The following S1PR1 variants were observed in gnomAD, a reference collection of about 807,000 sequenced individuals.
S1PR1 encodes sphingosine-1-phosphate receptor 1.
In S1PR1, 2 loss-of-function variants were observed where a neutral mutation model predicts 18.3. The ratio of observed to expected loss-of-function variants is 0.11; its 90% CI spans 0.04 to 0.34. The LOEUF (loss-of-function observed/expected upper bound fraction) is 0.34. S1PR1 is among the 10% of genes least tolerant of loss of function. S1PR1 has a pLI of 1.00. For synonymous variants in S1PR1, 222 were observed against 211.2 expected (o/e 1.05, Z -0.44); for missense variants, 335 against 493.8 (o/e 0.68, Z 3.05).
In S1PR1 at chr1:101,239,233, T is replaced by A; in HGVS notation, c.249T>A (p.Phe83Leu). The change falls in exon 2 of 2, where the codon TTT becomes TTA. Residue 83 changes from phenylalanine (F) to leucine (L), a missense_variant. Physicochemically the swap from Phe to Leu is conservative, Grantham distance 22. Coordinates refer to ENST00000305352, the MANE Select transcript of S1PR1 (RefSeq NM_001400.5). The surrounding 1 kb of genome is among the most constrained non-coding windows in gnomAD (Gnocchi z 6.3). ...TKKFHRPMYY[F>L]IGNLALSDLL... Reference sequence around the variant, plus strand: ...AATTCCACCGACCCATGTACTATTTTATTGGCAATCTGGCCCTCTCAGACC... The same window carrying A: ...AATTCCACCGACCCATGTACTATTTAATTGGCAATCTGGCCCTCTCAGACC... 1 of 1,614,194 alleles carries A rather than the reference T, an allele frequency of 6.2e-7. No homozygotes were observed. The highest frequency in any genetic ancestry group is 8.5e-7 in the Non-Finnish European group (1 of 1,180,036).
intron 1 of S1PR1, among the ~76,000 whole-genome samples, chr1:101,237,879 C>T (rs1283131417): frequency 6.6e-6 from 1 of 151,778 alleles, no homozygotes; most frequent in Non-Finnish European, 1.5e-5. Context: ...CTAAACTAAA[C>T]AAAGCAAAAA....
In S1PR1 at chr1:101,241,421, T is replaced by C. The variant is rs549170729; in HGVS notation, c.*1288T>C. ...TAAACCGAGAGATGTCTTGTTTTTT[T>C]AAAAAGAATAGTATTTAATAGGTTT... On this transcript the variant is annotated 3_prime_UTR_variant, in exon 2 of 2. Transcript: ENST00000305352. 1 of 167,216 alleles carries C rather than the reference T, an allele frequency of 6.0e-6. No homozygotes were observed. 10.4% of individuals were successfully genotyped at this position (167,216 alleles called of 1,614,324 possible). A position where few individuals can be genotyped will look rare whatever the true frequency, so the allele number is the denominator to read the frequency against.
chr1:101,237,810 G>A (rs1652757791), intron 1 of S1PR1, among the ~76,000 whole-genome samples: 1 of 152,120 alleles, frequency 6.6e-6, no homozygotes, highest in Non-Finnish European at 1.5e-5. Flanking sequence ...TAGAAATGTG[G>A]TAGCATGTAT....
intron 1 of S1PR1, 54 bp from the exon 2 acceptor site, chr1:101,238,768 T>C: frequency 1.7e-6 from 1 of 582,144 alleles, no homozygotes; most frequent in Non-Finnish European, 3.0e-6. Flanking sequence ...CTAGAATGAA[T>C]TATGCCAGTA....
Position 101,240,589 on chromosome 1 carries a change from A to T in S1PR1, c.*456A>T. ...GGATGCCCTGTACATCCCACACCCC[A>T]CCCTCCCTTCCCTTCATACCCCTCC... On this transcript the variant is annotated 3_prime_UTR_variant, in exon 2 of 2. Coordinates refer to ENST00000305352, the MANE Select transcript of S1PR1 (RefSeq NM_001400.5). 1 of 172,184 alleles carries T rather than the reference A, an allele frequency of 5.8e-6. No homozygotes were observed. Among genetic ancestry groups the T allele is most frequent in the South Asian group, 1.5e-4 (1 of 6,500 alleles). The allele number at this position is 172,184 out of a possible 1,614,324, so 10.7% of individuals were successfully genotyped here. A position where few individuals can be genotyped will look rare whatever the true frequency, so the allele number is the denominator to read the frequency against.
At position 101,239,192 on chromosome 1, in the gene S1PR1, A is replaced by C; in HGVS notation, c.208A>C (p.Ile70Leu). 1 of 1,614,218 alleles carries C rather than the reference A, an allele frequency of 6.2e-7. No homozygotes were observed. Among genetic ancestry groups the C allele is most frequent in the Non-Finnish European group, 8.5e-7 (1 of 1,180,042 alleles). The change falls in exon 2 of 2, where the codon ATT becomes CTT. Residue 70 changes from isoleucine (I) to leucine (L), a missense_variant. Around this residue, in one of 3 missense-constraint regions of S1PR1, gnomAD observed 214 missense variants for 366.6 expected, o/e 0.58. Coordinates refer to ENST00000305352, the MANE Select transcript of S1PR1 (RefSeq NM_001400.5). The surrounding 1 kb of genome is among the most constrained non-coding windows in gnomAD (Gnocchi z 6.3). ...GGAGAACATCTTTGTCTTGCTGACCATTTGGAAAACCAAGAAATTCCACCG... is the reference window on the plus strand; with the variant it reads ...GGAGAACATCTTTGTCTTGCTGACCCTTTGGAAAACCAAGAAATTCCACCG... ...ILENIFVLLT[I>L]WKTKKFHRPM...
In S1PR1 at chr1:101,241,353, T is replaced by C. The variant is rs1028700805; in HGVS notation, c.*1220T>C. The C allele has an allele frequency of 6.0e-6, 1 of 167,124 alleles. No individual in the cohort carries two copies. Among genetic ancestry groups the C allele is most frequent in the African/African-American group, 2.4e-5 (1 of 41,446 alleles). 10.4% of individuals were successfully genotyped at this position (167,124 alleles called of 1,614,324 possible). A position where few individuals can be genotyped will look rare whatever the true frequency, so the allele number is the denominator to read the frequency against. On this transcript the variant is annotated 3_prime_UTR_variant, in exon 2 of 2. Coordinates refer to ENST00000305352, the MANE Select transcript of S1PR1 (RefSeq NM_001400.5). ...AGATATGTATAAATATTACAAAGAA[T>C]AAAAATATATTACTGTCTCTTTAGT...
Position 101,240,296 on chromosome 1 carries a change from G to C in S1PR1, c.*163G>C, listed in dbSNP as rs775710742. 7.1e-6 allele frequency: 5 copies of C among 703,340 alleles called. No homozygotes were observed. Among genetic ancestry groups the C allele is most frequent in the Non-Finnish European group, 1.2e-5 (5 of 413,134 alleles). The allele number at this position is 703,340 out of a possible 1,614,324, so 43.6% of individuals were successfully genotyped here. A position where few individuals can be genotyped will look rare whatever the true frequency, so the allele number is the denominator to read the frequency against. ...GAACAGCCTGGTGGTGTCGGGTGTT[G>C]GTGGGTAGAGTTAGTTCCTGTGAAC... On this transcript the variant is annotated 3_prime_UTR_variant, in exon 2 of 2. Coordinates refer to ENST00000305352, the MANE Select transcript of S1PR1 (RefSeq NM_001400.5).
At position 101,240,351 on chromosome 1, in the gene S1PR1, C is replaced by G; in HGVS notation, c.*218C>G. On this transcript the variant is annotated 3_prime_UTR_variant, in exon 2 of 2. Coordinates refer to ENST00000305352, the MANE Select transcript of S1PR1 (RefSeq NM_001400.5). ...CACTGGGAAGGGTGGAGATCAGGTC[C>G]CGGCCTGGAATATATTTTCTACCCC... 1 of 610,454 alleles carries G rather than the reference C, an allele frequency of 1.6e-6. No individual in the cohort carries two copies. Among genetic ancestry groups the G allele is most frequent in the Non-Finnish European group, 3.0e-6 (1 of 335,782 alleles). The allele number at this position is 610,454 out of a possible 1,614,324, so 37.8% of individuals were successfully genotyped here. A position where few individuals can be genotyped will look rare whatever the true frequency, so the allele number is the denominator to read the frequency against.
chr1:101,240,251 G>C lies in S1PR1; in HGVS notation c.*118G>C. ...CAGGGAGGAGCTGCTGCAAGCCAGAGGGAGGAAGGGGGAGAATACGAACAG... is the reference window on the plus strand; with the variant it reads ...CAGGGAGGAGCTGCTGCAAGCCAGACGGAGGAAGGGGGAGAATACGAACAG... On this transcript the variant is annotated 3_prime_UTR_variant, in exon 2 of 2. Transcript: ENST00000305352. The C allele has an allele frequency of 2.0e-6, 2 of 1,025,034 alleles. No homozygotes were observed. The highest frequency in any genetic ancestry group is 2.9e-6 in the Non-Finnish European group (2 of 694,400). The allele number at this position is 1,025,034 out of a possible 1,614,324, so 63.5% of individuals were successfully genotyped here.
At position 101,238,910 on chromosome 1, in the gene S1PR1, GCT is replaced by G; in HGVS notation, c.-69_-68del. ...CGAACCACCCCTGAAGCCAGTGAAG[GCT>G]CTCTCGCCTCGCCCTCTAGCGTTCG... On this transcript the variant is annotated 5_prime_UTR_variant, in exon 2 of 2. Transcript: ENST00000305352. 7.0e-7 allele frequency: 1 copy of G among 1,421,118 alleles called. No individual in the cohort carries two copies. The highest frequency in any genetic ancestry group is 2.4e-5 in the East Asian group (1 of 41,766). 88.0% of individuals were successfully genotyped at this position (1,421,118 alleles called of 1,614,324 possible). A position where few individuals can be genotyped will look rare whatever the true frequency, so the allele number is the denominator to read the frequency against.
chr1:101,240,486 T>A lies in S1PR1; in HGVS notation c.*353T>A, dbSNP rs1365464759. Reference sequence around the variant, plus strand: ...ATGTCCCCATGTGAAAGCGTCTCTTTGTCTGGAGCTTTGAGGAGATGTTTT... The same window carrying A: ...ATGTCCCCATGTGAAAGCGTCTCTTAGTCTGGAGCTTTGAGGAGATGTTTT... On this transcript the variant is annotated 3_prime_UTR_variant, in exon 2 of 2. Coordinates refer to ENST00000305352, the MANE Select transcript of S1PR1 (RefSeq NM_001400.5). 1 of 292,932 alleles carries A rather than the reference T, an allele frequency of 3.4e-6. No individual in the cohort carries two copies. The highest frequency in any genetic ancestry group is 6.8e-6 in the Non-Finnish European group (1 of 147,112). 18.1% of individuals were successfully genotyped at this position (292,932 alleles called of 1,614,324 possible).
Position 101,238,893 on chromosome 1 carries a change from C to A in S1PR1, c.-92C>A. 7.8e-7 allele frequency: 1 copy of A among 1,287,392 alleles called. No homozygotes were observed. Among genetic ancestry groups the A allele is most frequent in the Non-Finnish European group, 1.1e-6 (1 of 949,172 alleles). The allele number at this position is 1,287,392 out of a possible 1,614,324, so 79.7% of individuals were successfully genotyped here. On this transcript the variant is annotated 5_prime_UTR_variant, in exon 2 of 2. Transcript: ENST00000305352. ...AAGCCTGGATCACTCATCGAACCAC[C>A]CCTGAAGCCAGTGAAGGCTCTCTCG...
rs754854011 is a variant in S1PR1, at chr1:101,239,519, A to G, written c.535A>G (p.Ile179Val). Residue 179 changes from isoleucine to valine, a missense_variant, in exon 2 of 2, where the codon ATC becomes GTC. Around this residue, in one of 3 missense-constraint regions of S1PR1, gnomAD observed 214 missense variants for 366.6 expected, o/e 0.58. Coordinates refer to ENST00000305352, the MANE Select transcript of S1PR1 (RefSeq NM_001400.5). This position sits in a 1 kb window ranked among gnomAD's most constrained non-coding sequence, Gnocchi z 6.3. ...CTCCCTCATCCTGGGTGGCCTGCCT[A>G]TCATGGGCTGGAACTGCATCAGTGC... ...VISLILGGLP[I>V]MGWNCISALS... 4.3e-6 allele frequency: 7 copies of G among 1,613,914 alleles called. No homozygotes were observed. The highest frequency in any genetic ancestry group is 5.9e-6 in the Non-Finnish European group (7 of 1,180,006).
chr1:101,238,244 A>G (rs764915139), intron 1 of S1PR1: 1 of 147,080 alleles, frequency 6.8e-6, no homozygotes, highest in African/African-American at 2.5e-5. Context: ...GCACATGGCA[A>G]TTAGGAGGTG....
chr1:101,241,643 T>C (rs962901252), downstream of S1PR1: 4 of 156,608 alleles, frequency 2.6e-5, no homozygotes, highest in African/African-American at 9.7e-5. Context: ...TTAACTAGGG[T>C]GTGAAAAAAG....
rs201659344 is a variant in S1PR1 at position 101,238,936 on chromosome 1, C to G, written c.-49C>G. 1.6e-5 allele frequency: 24 copies of G among 1,543,152 alleles called. No homozygotes were observed. Among genetic ancestry groups the G allele is most frequent in the Non-Finnish European group, 2.0e-5 (23 of 1,142,856 alleles). On this transcript the variant is annotated 5_prime_UTR_variant, in exon 2 of 2. Coordinates refer to ENST00000305352, the MANE Select transcript of S1PR1 (RefSeq NM_001400.5). ...CTCTCTCGCCTCGCCCTCTAGCGTT[C>G]GTCTGGAGTAGCGCCACCCCGGCTT...
Position 101,240,753 on chromosome 1 carries a change from A to C in S1PR1, c.*620A>C, listed in dbSNP as rs1652864860. The C allele has an allele frequency of 6.0e-6, 1 of 167,470 alleles. No individual in the cohort carries two copies. Among genetic ancestry groups the C allele is most frequent in the Non-Finnish European group, 1.5e-5 (1 of 68,296 alleles). 10.4% of individuals were successfully genotyped at this position (167,470 alleles called of 1,614,324 possible). A position where few individuals can be genotyped will look rare whatever the true frequency, so the allele number is the denominator to read the frequency against. On this transcript the variant is annotated 3_prime_UTR_variant, in exon 2 of 2. Transcript: ENST00000305352. The stretch of plus-strand genomic sequence containing the variant: ...GATGAAGATGGTTTGGAGGTGTAAA[A>C]CAATGTCCTTCGCTGAGGCCAAAGT...
At position 101,239,724 on chromosome 1, in the gene S1PR1, G is replaced by C; in HGVS notation, c.740G>C (p.Ser247Thr). The C allele has an allele frequency of 6.2e-7, 1 of 1,613,968 alleles. No homozygotes were observed. Among genetic ancestry groups the C allele is most frequent in the Non-Finnish European group, 8.5e-7 (1 of 1,180,030 alleles). Residue 247 changes from serine to threonine, a missense_variant, in exon 2 of 2, where the codon AGC (serine) becomes ACC (threonine). Physicochemically the swap from Ser to Thr is moderately conservative, Grantham distance 58. Coordinates refer to ENST00000305352, the MANE Select transcript of S1PR1 (RefSeq NM_001400.5). The surrounding 1 kb of genome is among the most constrained non-coding windows in gnomAD (Gnocchi z 6.3). ...AAGAACATTTCCAAGGCCAGCCGCAGCTCTGAGAAGTCGCTGGCGCTGCTC... is the reference window on the plus strand; with the variant it reads ...AAGAACATTTCCAAGGCCAGCCGCACCTCTGAGAAGTCGCTGGCGCTGCTC... ...FRKNISKASR[S>T]SEKSLALLKT... is the part of the protein sequence containing the mutation.
Sources: allele counts gnomAD v4.1 joint callset (sites outside exome capture counted in the v4.1 genomes callset), GRCh38; gene constraint gnomAD v4.1.1; regional missense constraint gnomAD v4.1.1; non-coding constraint Gnocchi (gnomAD v3.1); transcripts MANE v1.5; gene names NCBI Gene and HGNC (gene_info 2026-07-23, HGNC 2026-07-21).